The following TTF1 variants were observed in gnomAD, a reference collection of about 807,000 sequenced individuals.
TTF1 encodes the protein transcription termination factor, RNA polymerase I.
A neutral mutation model predicts 80.2 loss-of-function variants in TTF1; 64 were observed. The observed-to-expected ratio is 0.80, with a 90% confidence interval of 0.65 to 0.98. TTF1 has a LOEUF of 0.98. TTF1 is among the 50% of genes least tolerant of loss of function. The pLI is 0.00. For missense variants in TTF1, 1,023 were observed against 1,086.2 expected, an observed-to-expected ratio of 0.94 and a Z score of 0.82; for synonymous variants, 372 against 382.7, an observed-to-expected ratio of 0.97 and a Z score of 0.33.
chr9:132,399,166 T>G (rs1172803570), intron 3 of TTF1, among the ~76,000 whole-genome samples: 13 of 133,098 alleles, frequency 9.8e-5, no homozygotes, highest in African/African-American at 3.2e-4. Flanking sequence ...GCCACTGCAC[T>G]CCAGCCTGGG....
chr9:132,385,053 G>A (rs1353106210), intron 9 of TTF1, among the ~76,000 whole-genome samples: 1 of 152,196 alleles, frequency 6.6e-6, no homozygotes, highest in African/African-American at 2.4e-5. Context: ...TATGGGTGGG[G>A]CATGATATTC....
In TTF1 at chr9:132,406,826, A is replaced by G. The variant is rs1284113365; in HGVS notation, c.-44T>C. 6.6e-6 allele frequency: 1 copy of G among 152,210 alleles called. No homozygotes were observed. Among genetic ancestry groups the G allele is most frequent in the Admixed American group, 6.5e-5 (1 of 15,282 alleles). 9.4% of individuals were successfully genotyped at this position (152,210 alleles called of 1,614,324 possible). A position where few individuals can be genotyped will look rare whatever the true frequency, so the allele number is the denominator to read the frequency against. On this transcript the variant is annotated 5_prime_UTR_variant, in exon 1 of 11. Transcript: ENST00000334270. The stretch of plus-strand genomic sequence containing the variant: ...GCCGCCACCTTTCTCCCAACCCGGA[A>G]GTGCTGCTGTTGAGGAAGCGGAAGT...
intron 5 of TTF1, among the ~76,000 whole-genome samples, chr9:132,394,912 C>T (rs1388029379): frequency 6.7e-6 from 1 of 149,176 alleles, no homozygotes; most frequent in East Asian, 2.0e-4. Context: ...AAAAAAATTG[C>T]CAGGCACGGT....
At chr9:132,398,120 G>T in intron 4 of TTF1, 21 bp downstream of exon 4, 1 of 1,547,994 alleles carries the variant, frequency 6.5e-7, no homozygotes, top group Non-Finnish European at 8.7e-7. Flanking sequence ...ATGGTCAAAG[G>T]GTGATTGTTT....
In TTF1 at chr9:132,401,655, A is replaced by G. The variant is rs760400188; in HGVS notation, c.1167T>C (p.Ser389=). ...FKESNSTKKK[S]KKRKLTSVKR... ...TGACAGACGTAAGCTTCCTTTTCTT[A>G]GACTTCTTCTTTGTACTGTTGGATT... is the stretch of plus-strand genomic sequence containing the variant. Residue 389 remains serine (S), a synonymous_variant, in exon 2 of 11, where the codon TCT becomes TCC. Coordinates refer to ENST00000334270, the MANE Select transcript of TTF1 (RefSeq NM_007344.4). 8 of 1,614,026 alleles carry G rather than the reference A, an allele frequency of 5.0e-6. No individual in the cohort carries two copies. The East Asian group carries it at 1.8e-4, about 36-fold the overall frequency.
chr9:132,387,932 G>C (rs575561439), intron 8 of TTF1, among the ~76,000 whole-genome samples: 27 of 152,342 alleles, frequency 1.8e-4, no homozygotes, highest in African/African-American at 6.3e-4. Context: ...CTAAGAGCTA[G>C]GTACGATTAT....
chr9:132,385,444 G>A (rs146116474), intron 9 of TTF1, among the ~76,000 whole-genome samples: 72 of 152,312 alleles, frequency 4.7e-4, no homozygotes, highest in African/African-American at 1.5e-3. Flanking sequence ...CCCCTGAGGC[G>A]TGGGAGTCTG....
chr9:132,378,690 G>C (rs576491251), intron 10 of TTF1, among the ~76,000 whole-genome samples: 1 of 147,682 alleles, frequency 6.8e-6, no homozygotes, highest in Admixed American at 6.7e-5. Context: ...TGGTGTGTGT[G>C]AGTGCATGTG....
chr9:132,393,094 G>A (rs1367712966), intron 5 of TTF1, among the ~76,000 whole-genome samples: 1 of 152,196 alleles, frequency 6.6e-6, no homozygotes, highest in Non-Finnish European at 1.5e-5. Context: ...AGTTCCATGA[G>A]GGCAGAGATC....
rs193089819 is a variant in TTF1 at position 132,398,533 on chromosome 9, T to G, written c.1592-207A>C. 1.8e-4 allele frequency among the ~76,000 whole-genome samples: 28 copies of G among 152,344 alleles called. 1 individual carries two copies. Among genetic ancestry groups the G allele is most frequent in the African/African-American group, 6.5e-4 (27 of 41,582 alleles). The stretch of plus-strand genomic sequence containing the variant: ...CCTCTTCTGTCAATGTCTTCCCGGG[T>G]CATCCTATTCCAAAGTGACCTTTCC... On this transcript the variant is annotated intron_variant, in intron 3 of 10. Coordinates refer to ENST00000334270, the MANE Select transcript of TTF1 (RefSeq NM_007344.4).
intron 10 of TTF1, among the ~76,000 whole-genome samples, chr9:132,377,509 T>G (rs1156906425): frequency 3.9e-5 from 4 of 101,992 alleles, no homozygotes; most frequent in Non-Finnish European, 5.7e-5. Flanking sequence ...TGCATGCATG[T>G]GGTGTGAGTG....
At position 132,386,602 on chromosome 9, in the gene TTF1, C is replaced by A. The variant is rs1849472588; in HGVS notation, c.2332G>T (p.Glu778Ter). 1.2e-6 allele frequency: 2 copies of A among 1,612,502 alleles called. No homozygotes were observed. The highest frequency in any genetic ancestry group is 2.2e-5 in the South Asian group (2 of 90,990). ...TCCCAGTCTATTTCATTAGTATCTT[C>A]CACATTTATTTCATACAACCTGTGA... ...LIERLYEINV[E>*]DTNEIDWEDL... Residue 778 changes from glutamate to a stop codon, truncating the protein, a stop_gained, in exon 9 of 11, where the codon GAA becomes TAA. Transcript: ENST00000334270. LOFTEE classifies it high-confidence loss of function.
At chr9:132,387,540 G>A (rs980068459) in intron 8 of TTF1, among the ~76,000 whole-genome samples, 13 of 152,136 alleles carry the variant, frequency 8.5e-5, no homozygotes, top group African/African-American at 3.1e-4. Flanking sequence ...GCTCACGTGT[G>A]AGGCAGAGGG....
In TTF1 at chr9:132,403,099, T is replaced by G. The variant is rs142420090; in HGVS notation, c.-7-271A>C. On this transcript the variant is annotated intron_variant, in intron 1 of 10. Transcript: ENST00000334270. The stretch of plus-strand genomic sequence containing the variant: ...TGGTCTCGATCTCCTGACCTCATGA[T>G]CCGCCCACTCCAGCCTCCCAAAGTG... Among the ~76,000 whole-genome samples, 898 of 152,278 alleles carry G rather than the reference T, an allele frequency of 5.9e-3. 15 individuals are homozygous for G. The highest frequency in any genetic ancestry group is 0.021 in the African/African-American group (857 of 41,544).
In TTF1 at chr9:132,401,552, C is replaced by T. The variant is rs750288346; in HGVS notation, c.1270G>A (p.Gly424Ser). 1.2e-6 allele frequency: 2 copies of T among 1,614,038 alleles called. No individual in the cohort carries two copies. Among genetic ancestry groups the T allele is most frequent in the African/African-American group, 2.7e-5 (2 of 74,912 alleles). ...CCTTCTTCCATCATGGCGCCATCAC[C>T]TTCTACTGAATCAAAGAGTGTGCTC... is the stretch of plus-strand genomic sequence containing the variant. Reference protein sequence around the residue: ...SESTLFDSVEGDGAMMEEGVK... With the variant: ...SESTLFDSVESDGAMMEEGVK... The change falls in exon 2 of 11, where the codon GGT (glycine) becomes AGT (serine). Residue 424 changes from glycine to serine, a missense_variant. By Grantham distance (56) the Gly-to-Ser change is moderately conservative. Transcript: ENST00000334270.
In TTF1 at chr9:132,390,731, C is replaced by T. The variant is rs1195323497; in HGVS notation, c.2088G>A (p.Glu696=). 1 of 1,614,192 alleles carries T rather than the reference C, an allele frequency of 6.2e-7. No individual in the cohort carries two copies. The highest frequency in any genetic ancestry group is 8.5e-7 in the Non-Finnish European group (1 of 1,180,048). ...LKKMSPQELK[E]VDSKLQENPE... ...GATTTTCTTGGAGTTTGGAATCCACCTCTTTTAACTCCTGGGGAGACATCT... is the reference window on the plus strand; with the variant it reads ...GATTTTCTTGGAGTTTGGAATCCACTTCTTTTAACTCCTGGGGAGACATCT... Residue 696 remains glutamate, a synonymous_variant, in exon 7 of 11, where the codon GAG becomes GAA. Coordinates refer to ENST00000334270, the MANE Select transcript of TTF1 (RefSeq NM_007344.4).
chr9:132,399,430 T>C (rs1032791410), intron 3 of TTF1, among the ~76,000 whole-genome samples: 43 of 152,250 alleles, frequency 2.8e-4, no homozygotes, highest in African/African-American at 9.9e-4. Context: ...CCAGTTGTAT[T>C]GGGTCTCACA....
At chr9:132,399,488 A>C (rs537935461) in intron 3 of TTF1, among the ~76,000 whole-genome samples, 271 of 152,150 alleles carry the variant, frequency 1.8e-3, no homozygotes, top group South Asian at 0.013. Context: ...ACAGCCTTAA[A>C]TTTGCAGTTT....
chr9:132,392,851 A>G (rs1024292734), intron 5 of TTF1, among the ~76,000 whole-genome samples: 6 of 152,244 alleles, frequency 3.9e-5, no homozygotes, highest in Admixed American at 1.3e-4. Context: ...AACAAAAAAT[A>G]ATATATTTCA....
Sources: gnomAD v4.1 joint callset for allele counts (sites outside exome capture counted in the v4.1 genomes callset) on GRCh38, gnomAD v4.1.1 for gene constraint, MANE v1.5 for transcripts, NCBI Gene and HGNC (gene_info 2026-07-23, HGNC 2026-07-21) for gene names.